The following RCAN3 variants were observed in gnomAD, a reference collection of about 807,000 sequenced individuals.
RCAN3 encodes calcipressin-3.
In RCAN3, 19 loss-of-function variants were observed where a neutral mutation model predicts 21.9. The ratio of observed to expected loss-of-function variants is 0.87; its 90% CI spans 0.61 to 1.27. The LOEUF (loss-of-function observed/expected upper bound fraction) is 1.27. Ranked by LOEUF, RCAN3 falls within the 50% of genes most tolerant of loss-of-function variation. RCAN3 has a pLI of 0.00. For synonymous variants in RCAN3, 114 were observed against 112.3 expected (o/e 1.01, Z -0.09); for missense variants, 240 against 300.1 (o/e 0.80, Z 1.48).
At chr1:24,503,193 G>C (rs1214320745) in intron 1 of RCAN3, 43 bp downstream of exon 1, 1 of 145,694 alleles carries the variant, frequency 6.9e-6, no homozygotes, top group East Asian at 2.0e-4. Context: ...GGCGGGTGGG[G>C]GGGGTGGTGC....
intron 2 of RCAN3, among the ~76,000 whole-genome samples, chr1:24,529,097 C>G (rs1649523952): frequency 6.6e-6 from 1 of 152,094 alleles, no homozygotes; most frequent in African/African-American, 2.4e-5. Context: ...AGGGAGAGAT[C>G]ATAAGGGAAA....
Position 24,536,678 on chromosome 1 carries a change from G to A in RCAN3, c.*1401G>A, listed in dbSNP as rs913789322. On this transcript the variant is annotated 3_prime_UTR_variant, in exon 5 of 5. Transcript: ENST00000374395. ...ACATGAGAACTAATGAACCAAGGCG[G>A]CTGCCACCAGGAAGGAACAGAACGC... 6.6e-6 allele frequency: 1 copy of A among 152,180 alleles called. No homozygotes were observed. The highest frequency in any genetic ancestry group is 2.4e-5 in the African/African-American group (1 of 41,426). The allele number at this position is 152,180 out of a possible 1,614,324, so 9.4% of individuals were successfully genotyped here.
At position 24,517,340 on chromosome 1, in the gene RCAN3, C is replaced by T. The variant is rs571487461; in HGVS notation, c.195+2773C>T. Among the ~76,000 whole-genome samples, 268 of 152,254 alleles carry T rather than the reference C, an allele frequency of 1.8e-3. 1 individual carries two copies. The highest frequency in any genetic ancestry group is 6.2e-3 in the African/African-American group (256 of 41,554). ...CCACATTGGCCAGGCTGGTCTTGAT[C>T]TCCTGACCTCAAGTGATCTGCCCAC... On this transcript the variant is annotated intron_variant, in intron 2 of 4. Transcript: ENST00000374395.
intron 3 of RCAN3, 134 bp from the exon 4 acceptor site, chr1:24,532,948 CA>C (rs756973308): frequency 0.067 from 6,179 of 92,904 alleles, 4 homozygotes; most frequent in East Asian, 0.095. Context: ...GACTCCGTCT[CA>C]AAAAAAAAAA....
Position 24,535,473 on chromosome 1 carries a change from A to G in RCAN3, c.*196A>G. The G allele has an allele frequency of 2.1e-6, 1 of 468,428 alleles. No individual in the cohort carries two copies. The highest frequency in any genetic ancestry group is 4.4e-5 in the Admixed American group (1 of 22,722). 29.0% of individuals were successfully genotyped at this position (468,428 alleles called of 1,614,324 possible). The stretch of plus-strand genomic sequence containing the variant: ...TTTGACCTGTCCCAGATTTTAAGTG[A>G]TATTCCAAAAGGGACTTTACATTAA... On this transcript the variant is annotated 3_prime_UTR_variant, in exon 5 of 5. Transcript: ENST00000374395.
In RCAN3 at chr1:24,535,132, C is replaced by T; in HGVS notation, c.581C>T (p.Pro194Leu). Residue 194 changes from proline (P) to leucine (L), a missense_variant, in exon 5 of 5, where the codon CCC (proline) becomes CTC (leucine). Transcript: ENST00000374395. ...YELHAGTEST[P>L]SVVVHVCESE... is the part of the protein sequence containing the mutation. ...CTTCACGCGGGAACAGAGTCGACAC[C>T]CAGCGTGGTGGTTCATGTCTGTGAA... The T allele has an allele frequency of 1.3e-6, 2 of 1,595,788 alleles. No homozygotes were observed. The highest frequency in any genetic ancestry group is 1.7e-6 in the Non-Finnish European group (2 of 1,173,836).
chr1:24,502,439 G>A (rs11805096), upstream of RCAN3: 19,999 of 152,552 alleles, frequency 0.13, 2,126 homozygotes, highest in African/African-American at 0.28. Context: ...TATCCGGGCC[G>A]CCGGTTGCCG....
chr1:24,515,223 C>G (rs773633148), intron 2 of RCAN3, among the ~76,000 whole-genome samples: 12 of 152,074 alleles, frequency 7.9e-5, no homozygotes, highest in Non-Finnish European at 1.5e-4. Context: ...GCCGGGCTTC[C>G]TATTACTTGG....
In RCAN3 at chr1:24,537,585, ATTGAG is replaced by A. The variant is rs1346731810; in HGVS notation, c.*2311_*2315del. On this transcript the variant is annotated 3_prime_UTR_variant, in exon 5 of 5. Transcript: ENST00000374395. ...TAGGCTTTTCTGCAATTTTTTTGAA[ATTGAG>A]TTATTACTTGGATTTAACCCTGATA... The A allele has an allele frequency of 1.5e-4, 20 of 133,936 alleles. No homozygotes were observed. The highest frequency in any genetic ancestry group is 5.7e-4 in the African/African-American group (20 of 35,178). The allele number at this position is 133,936 out of a possible 1,614,324, so 8.3% of individuals were successfully genotyped here. A position where few individuals can be genotyped will look rare whatever the true frequency, so the allele number is the denominator to read the frequency against.
At chr1:24,507,684 C>T (rs534193696) in intron 1 of RCAN3, 2 of 152,348 alleles carry the variant, frequency 1.3e-5, no homozygotes, top group African/African-American at 2.4e-5. Context: ...GCCCCGCTTC[C>T]GCAGGGCCCC....
intron 2 of RCAN3, among the ~76,000 whole-genome samples, chr1:24,529,693 G>A (rs1649592605): frequency 6.6e-6 from 1 of 151,046 alleles, no homozygotes; most frequent in African/African-American, 2.4e-5. Flanking sequence ...TGGGATTACA[G>A]GCGCCCACCA....
At chr1:24,530,259 G>A (rs1285691889) in intron 2 of RCAN3, among the ~76,000 whole-genome samples, 1 of 150,462 alleles carries the variant, frequency 6.6e-6, no homozygotes, top group African/African-American at 2.5e-5. Flanking sequence ...AGAAGCCGAG[G>A]CAGGAGGATT....
chr1:24,508,402 G>A (rs1047259905), intron 1 of RCAN3, among the ~76,000 whole-genome samples: 3 of 152,248 alleles, frequency 2.0e-5, no homozygotes, highest in Non-Finnish European at 4.4e-5. Flanking sequence ...ACACAGGTGT[G>A]TGTGAACCAC....
intron 2 of RCAN3, among the ~76,000 whole-genome samples, chr1:24,528,789 G>C (rs943396187): frequency 2.0e-4 from 31 of 152,194 alleles, no homozygotes; most frequent in Non-Finnish European, 2.9e-5. Flanking sequence ...CCTGATAATA[G>C]TTGAAACAGA....
chr1:24,533,378 C>T, intron 4 of RCAN3, 124 bp downstream of exon 4: 1 of 696,242 alleles, frequency 1.4e-6, no homozygotes, highest in Non-Finnish European at 2.1e-6. Flanking sequence ...CACCTGGGTT[C>T]AGATTCCAGC....
chr1:24,530,564 G>A (rs75139246), intron 2 of RCAN3, among the ~76,000 whole-genome samples: 1 of 152,080 alleles, frequency 6.6e-6, no homozygotes, highest in Non-Finnish European at 1.5e-5. Context: ...GGAAAGGAAT[G>A]TGACAGAGGG....
chr1:24,507,725 ATGAG>A (rs1275095531), intron 1 of RCAN3: 1 of 152,218 alleles, frequency 6.6e-6, no homozygotes, highest in Non-Finnish European at 1.5e-5. Context: ...GGCACGATAA[ATGAG>A]TAAGTTAAAA....
At chr1:24,515,382 T>A (rs1291710442) in intron 2 of RCAN3, among the ~76,000 whole-genome samples, 1 of 152,068 alleles carries the variant, frequency 6.6e-6, no homozygotes, top group Admixed American at 6.6e-5. Flanking sequence ...GAGCTTATTA[T>A]TTTAAAGATT....
At chr1:24,534,957 TA>T in intron 4 of RCAN3, 135 bp from the exon 5 acceptor site, 1 of 805,614 alleles carries the variant, frequency 1.2e-6, no homozygotes, top group Non-Finnish European at 1.9e-6. Context: ...TAAAATACTC[TA>T]ACATAGTATT....
Sources: gnomAD v4.1 joint callset for allele counts (sites outside exome capture counted in the v4.1 genomes callset) on GRCh38, gnomAD v4.1.1 for gene constraint, MANE v1.5 for transcripts, NCBI Gene and HGNC (gene_info 2026-07-23, HGNC 2026-07-21) for gene names.